Variants in RHOBTB2 observed in about 807,000 individuals in gnomAD.
The protein encoded by RHOBTB2 is rho-related BTB domain-containing protein 2.
RHOBTB2 carries 39 observed loss-of-function variants against 66.5 expected under a neutral mutation model. The observed-to-expected ratio is 0.59, with a 90% CI of 0.45 to 0.77. RHOBTB2 has a LOEUF of 0.77. Ranked by LOEUF, RHOBTB2 falls within the 30% of genes least tolerant of loss-of-function variation. The probability of loss-of-function intolerance (pLI) is 0.00; values close to 1 mark genes in which losing one functional copy is unlikely to be tolerated. For synonymous variants in RHOBTB2, 390 were observed against 395.0 expected (o/e 0.99, Z 0.15); for missense variants, 755 against 999.1 (o/e 0.76, Z 3.29).
Position 23,006,915 on chromosome 8 carries a change from G to A in RHOBTB2, c.670G>A (p.Val224Met), listed in dbSNP as rs1810969628. The A allele has an allele frequency of 6.2e-7, 1 of 1,613,868 alleles. No homozygotes were observed. Among genetic ancestry groups the A allele is most frequent in the Non-Finnish European group, 8.5e-7 (1 of 1,180,020 alleles). Residue 224 changes from valine to methionine, a missense_variant, in exon 5 of 10, where the codon GTG (valine) becomes ATG (methionine). Physicochemically the swap from Val to Met is conservative, Grantham distance 21. This residue lies in a region of RHOBTB2 where 247 missense variants were observed against 238.9 expected (regional missense o/e 1.03). Coordinates refer to ENST00000251822, the MANE Select transcript of RHOBTB2 (RefSeq NM_015178.3). The surrounding 1 kb of genome is among the most constrained non-coding windows in gnomAD (Gnocchi z 6.1). ...LQFWKSHLRNVQRPLLQAPFL... is the reference protein window; with the variant it reads ...LQFWKSHLRNMQRPLLQAPFL... ...GTTCTGGAAGTCCCACCTCCGCAATGTGCAGCGGCCTCTGCTGCAGGCACC... is the reference window on the plus strand; with the variant it reads ...GTTCTGGAAGTCCCACCTCCGCAATATGCAGCGGCCTCTGCTGCAGGCACC...
Position 23,004,395 on chromosome 8 carries a change from C to T in RHOBTB2, c.-10-30C>T, listed in dbSNP as rs767618898. 12 of 1,597,228 alleles carry T rather than the reference C, an allele frequency of 7.5e-6. No individual in the cohort carries two copies. In the Admixed American group the frequency reaches 1.0e-4, roughly 13 times the overall value. ...CCCACGGCGAGCTGGCATGCCATGC[C>T]GTCCTGACCGCCTCCCTCCTCTCCC... On this transcript the variant is annotated intron_variant, in intron 1 of 9. Transcript: ENST00000251822. This position sits in a 1 kb window ranked among gnomAD's most constrained non-coding sequence, Gnocchi z 6.4.
At chr8:22,985,166 T>A (rs1399317319), upstream of RHOBTB2, among the ~76,000 whole-genome samples, 1 of 152,024 alleles carries the variant, frequency 6.6e-6, no homozygotes, top group Admixed American at 6.6e-5. Flanking sequence ...AGAGACAGGT[T>A]AAGAGTTCAT....
At position 23,015,534 on chromosome 8, in the gene RHOBTB2, C is replaced by G. The variant is rs1585197484; in HGVS notation, c.1861-104C>G. The G allele has an allele frequency of 5.4e-6, 4 of 734,316 alleles. No individual in the cohort carries two copies. In the East Asian group the frequency reaches 1.1e-4, roughly 20 times the overall value. 45.5% of individuals were successfully genotyped at this position (734,316 alleles called of 1,614,324 possible). A position where few individuals can be genotyped will look rare whatever the true frequency, so the allele number is the denominator to read the frequency against. ...GCTCTCTAGAACTGCAGGGCCTCTG[C>G]GTGCCCTGCACCAGAGCTTCAGCTC... On this transcript the variant is annotated intron_variant, in intron 8 of 9. Coordinates refer to ENST00000251822, the MANE Select transcript of RHOBTB2 (RefSeq NM_015178.3).
At chr8:22,981,892 T>C in the RHOBTB2 span, among the ~76,000 whole-genome samples, 1 of 111,452 alleles carries the variant, frequency 9.0e-6, no homozygotes, top group Non-Finnish European at 1.8e-5. Context: ...TGCTGCAGCC[T>C]GGGCGGTTCC....
At position 23,008,096 on chromosome 8, in the gene RHOBTB2, G is replaced by A. The variant is rs1339218293; in HGVS notation, c.1605G>A (p.Glu535=). The part of the protein sequence containing the change: ...MAAMFGGPFV[E]SSTREVVFPY... ...CCATGTTTGGGGGGCCATTTGTGGA[G>A]AGCTCCACCCGGGAGGTAAGGCTGA... The change falls in exon 6 of 10, where the codon GAG becomes GAA. Residue 535 remains glutamate (E), a synonymous_variant. Transcript: ENST00000251822. The A allele has an allele frequency of 6.2e-7, 1 of 1,612,070 alleles. No individual in the cohort carries two copies. The highest frequency in any genetic ancestry group is 1.1e-5 in the South Asian group (1 of 90,996).
At chr8:22,966,425 C>T in the RHOBTB2 span, among the ~76,000 whole-genome samples, 2 of 151,666 alleles carry the variant, frequency 1.3e-5, no homozygotes, top group African/African-American at 4.8e-5. Flanking sequence ...AAGCAAAAAA[C>T]GGGTGAAGGA....
At chr8:22,971,527 C>G in the RHOBTB2 span, among the ~76,000 whole-genome samples, 1 of 152,090 alleles carries the variant, frequency 6.6e-6, no homozygotes, top group Admixed American at 6.6e-5. Flanking sequence ...GCAACCTGCA[C>G]GCACTGCCTC....
chr8:23,017,107 G>C lies in RHOBTB2; in HGVS notation c.1967-145G>C. 9.7e-7 allele frequency: 1 copy of C among 1,029,808 alleles called. No individual in the cohort carries two copies. Among genetic ancestry groups the C allele is most frequent in the Non-Finnish European group, 1.4e-6 (1 of 696,544 alleles). The allele number at this position is 1,029,808 out of a possible 1,614,324, so 63.8% of individuals were successfully genotyped here. A position where few individuals can be genotyped will look rare whatever the true frequency, so the allele number is the denominator to read the frequency against. On this transcript the variant is annotated intron_variant, in intron 9 of 9. Transcript: ENST00000251822. The surrounding 1 kb of genome is among the most constrained non-coding windows in gnomAD (Gnocchi z 5.3). ...CTTTGGGAACTTTGCTTGCCTCGGA[G>C]GCTCATGTGCCGTGGGTCATGGGGA...
chr8:22,951,183 A>AT, the RHOBTB2 span, among the ~76,000 whole-genome samples: 7 of 147,162 alleles, frequency 4.8e-5, no homozygotes, highest in South Asian at 8.6e-4. Context: ...AGGTTTAAAA[A>AT]TTTTTTTTTC....
chr8:22,988,655 C>A (rs762493579), intron 1 of RHOBTB2, among the ~76,000 whole-genome samples: 1 of 152,144 alleles, frequency 6.6e-6, no homozygotes, highest in South Asian at 2.1e-4. Flanking sequence ...CACACTTGGC[C>A]AGGAGCTCTC....
At chr8:22,998,847 G>C (rs1810656284), upstream of RHOBTB2, 1 of 152,148 alleles carries the variant, frequency 6.6e-6, no homozygotes, top group African/African-American at 2.4e-5. Context: ...TTACAGAGGG[G>C]TAAATTGAGG....
At chr8:22,997,553 G>T (rs1402162843), upstream of RHOBTB2, among the ~76,000 whole-genome samples, 2 of 152,216 alleles carry the variant, frequency 1.3e-5, no homozygotes, top group East Asian at 3.8e-4. Context: ...ACACAGTCCA[G>T]CCTGGTTGAG....
chr8:23,005,298 G>A (rs898060727), intron 2 of RHOBTB2, 74 bp from the exon 3 acceptor site: 39 of 1,125,314 alleles, frequency 3.5e-5, no homozygotes, highest in Middle Eastern at 2.5e-4. Context: ...GTCAGCCGGC[G>A]CTTATCCTGA....
chr8:22,962,209 A>AG, the RHOBTB2 span, among the ~76,000 whole-genome samples: 2 of 131,574 alleles, frequency 1.5e-5, no homozygotes, highest in African/African-American at 2.8e-5. Context: ...AAAAAAAAAA[A>AG]AAAAGGAAAG....
chr8:22,999,723 C>A lies in RHOBTB2; in HGVS notation c.-393C>A. On this transcript the variant is annotated 5_prime_UTR_variant, in exon 1 of 10. Coordinates refer to ENST00000251822, the MANE Select transcript of RHOBTB2 (RefSeq NM_015178.3). ...CGTCTTCGCGGCAGCGCCTTCGCCG[C>A]GGGCCCGGGCGCGTAGCGGCGGCGG... 1 of 1,102,362 alleles carries A rather than the reference C, an allele frequency of 9.1e-7. No individual in the cohort carries two copies. The allele number at this position is 1,102,362 out of a possible 1,614,324, so 68.3% of individuals were successfully genotyped here.
rs758196981 is a variant in RHOBTB2, at chr8:23,005,956, G to T, written c.297-4G>T. The T allele has an allele frequency of 6.2e-7, 1 of 1,607,156 alleles. No individual in the cohort carries two copies. The highest frequency in any genetic ancestry group is 1.7e-5 in the Admixed American group (1 of 59,702). On this transcript the variant is annotated splice_region_variant and splice_polypyrimidine_tract_variant and intron_variant, in intron 3 of 9. Transcript: ENST00000251822. ...TGCCCGTAACCTTACTTTCCCACCC[G>T]CAGATCTGATGTGGTGGTTCTGTGC...
the RHOBTB2 span, among the ~76,000 whole-genome samples, chr8:22,965,789 G>A: frequency 6.6e-6 from 1 of 152,066 alleles, no homozygotes; most frequent in Non-Finnish European, 1.5e-5. Context: ...TGGATTAAAG[G>A]TCTAATTGTA....
At position 23,017,126 on chromosome 8, in the gene RHOBTB2, A is replaced by G. The variant is rs1484351599; in HGVS notation, c.1967-126A>G. On this transcript the variant is annotated intron_variant, in intron 9 of 9. Transcript: ENST00000251822. The surrounding 1 kb of genome is among the most constrained non-coding windows in gnomAD (Gnocchi z 5.3). ...CTCGGAGGCTCATGTGCCGTGGGTC[A>G]TGGGGATGTGCTGGGGGCTGGGCTG... 9 of 1,246,816 alleles carry G rather than the reference A, an allele frequency of 7.2e-6. No homozygotes were observed. The highest frequency in any genetic ancestry group is 3.0e-5 in the African/African-American group (2 of 67,206). The allele number at this position is 1,246,816 out of a possible 1,614,324, so 77.2% of individuals were successfully genotyped here.
Position 23,004,594 on chromosome 8 carries a change from T to C in RHOBTB2, c.160T>C (p.Trp54Arg). 1.2e-6 allele frequency: 2 copies of C among 1,614,012 alleles called. No individual in the cohort carries two copies. The highest frequency in any genetic ancestry group is 8.5e-7 in the Non-Finnish European group (1 of 1,179,994). The stretch of plus-strand genomic sequence containing the variant: ...GCTGGCCACGCATGTGCCCACAGTA[T>C]GGGCCATCGACCAATATCGTGTGTG... Reference protein sequence around the residue: ...QLLATHVPTVWAIDQYRVCQE... With the variant: ...QLLATHVPTVRAIDQYRVCQE... The change falls in exon 2 of 10, where the codon TGG (tryptophan) becomes CGG (arginine). Residue 54 changes from tryptophan (W) to arginine (R), a missense_variant. Transcript: ENST00000251822. The surrounding 1 kb of genome is among the most constrained non-coding windows in gnomAD (Gnocchi z 6.4).
Sources: gnomAD v4.1 joint callset for allele counts (sites outside exome capture counted in the v4.1 genomes callset) on GRCh38, gnomAD v4.1.1 for gene constraint, gnomAD v4.1.1 regional missense constraint, Gnocchi (gnomAD v3.1) non-coding constraint, MANE v1.5 for transcripts, NCBI Gene and HGNC (gene_info 2026-07-23, HGNC 2026-07-21) for gene names.